Variants in ACVR2A observed in about 807,000 individuals in gnomAD.
The protein encoded by ACVR2A is activin A receptor type 2A, also known as activin receptor type-2A.
A neutral mutation model predicts 61.4 loss-of-function variants in ACVR2A; 7 were observed. The observed-to-expected ratio is 0.11, with a 90% CI of 0.06 to 0.21. ACVR2A has a LOEUF of 0.21. ACVR2A is among the 10% of genes least tolerant of loss of function. ACVR2A has a pLI of 1.00. For synonymous variants in ACVR2A, 193 were observed against 208.3 expected (o/e 0.93, Z 0.63); for missense variants, 322 against 621.7 (o/e 0.52, Z 5.13).
At chr2:147,870,636 C>T (rs1480478855) in intron 1 of ACVR2A, among the ~76,000 whole-genome samples, 1 of 152,154 alleles carries the variant, frequency 6.6e-6, no homozygotes, top group Non-Finnish European at 1.5e-5. Flanking sequence ...AGATAATTGT[C>T]GTGAGTCTTT....
rs1168504682 is a variant in ACVR2A, at chr2:147,927,305, G to A, written c.*31G>A. The A allele has an allele frequency of 3.8e-6, 6 of 1,578,276 alleles. No homozygotes were observed. The highest frequency in any genetic ancestry group is 4.3e-6 in the Non-Finnish European group (5 of 1,163,176). ...GCGCCATCTGTGCACACTAAGAAAT[G>A]GGACTCTGAACTGGAGCTGCTAAGC... On this transcript the variant is annotated 3_prime_UTR_variant, in exon 11 of 11. Transcript: ENST00000241416.
At chr2:147,848,371 G>A (rs1307065736) in intron 1 of ACVR2A, among the ~76,000 whole-genome samples, 1 of 151,974 alleles carries the variant, frequency 6.6e-6, no homozygotes, top group East Asian at 1.9e-4. Context: ...TACTTCCCCA[G>A]ATCCCCATCC....
intron 1 of ACVR2A, among the ~76,000 whole-genome samples, chr2:147,864,226 A>T (rs1432303481): frequency 3.9e-5 from 6 of 151,960 alleles, no homozygotes. Context: ...ACTTTCTGTT[A>T]CTATAACTTT....
intron 1 of ACVR2A, among the ~76,000 whole-genome samples, chr2:147,851,931 T>A (rs1225520446): frequency 6.6e-6 from 1 of 152,066 alleles, no homozygotes; most frequent in Non-Finnish European, 1.5e-5. Context: ...ATTGAAGTGG[T>A]GAACTTGGAT....
intron 10 of ACVR2A, among the ~76,000 whole-genome samples, chr2:147,926,736 G>A (rs773073365): frequency 2.6e-5 from 4 of 151,876 alleles, no homozygotes; most frequent in Non-Finnish European, 4.4e-5. Context: ...AGATAGAAAT[G>A]CTGATATTAA....
intron 8 of ACVR2A, among the ~76,000 whole-genome samples, chr2:147,922,715 T>C (rs1226563882): frequency 6.6e-6 from 1 of 152,088 alleles, no homozygotes; most frequent in African/African-American, 2.4e-5. Context: ...AGCATCCTTC[T>C]CCCAGCTGAC....
intron 1 of ACVR2A, among the ~76,000 whole-genome samples, chr2:147,881,058 A>G (rs902066202): frequency 2.0e-5 from 3 of 152,168 alleles, no homozygotes; most frequent in Admixed American, 1.3e-4. Flanking sequence ...TCTTAAAACC[A>G]TTTCCCCTAC....
intron 1 of ACVR2A, among the ~76,000 whole-genome samples, chr2:147,895,726 C>T (rs1573688192): frequency 6.6e-6 from 1 of 151,962 alleles, no homozygotes; most frequent in South Asian, 2.1e-4. Flanking sequence ...ATAATATTGT[C>T]TTTTCTTTAG....
At chr2:147,918,318 G>C (rs1446009362) in intron 6 of ACVR2A, 129 bp from the exon 7 acceptor site, 1 of 718,820 alleles carries the variant, frequency 1.4e-6, no homozygotes, top group Non-Finnish European at 2.1e-6. Context: ...ATTCCAGAAA[G>C]ATTGTTTCTT....
chr2:147,849,513 G>A (rs976438423), intron 1 of ACVR2A, among the ~76,000 whole-genome samples: 5 of 152,044 alleles, frequency 3.3e-5, no homozygotes, highest in East Asian at 1.9e-4. Context: ...TTTGGTTACC[G>A]TTAGACTAAT....
chr2:147,914,639 A>C (rs538314838), intron 4 of ACVR2A, among the ~76,000 whole-genome samples: 18 of 152,104 alleles, frequency 1.2e-4, no homozygotes, highest in Admixed American at 1.2e-3. Flanking sequence ...ATATTTACTT[A>C]CATATTTCCT....
chr2:147,926,264 GA>G, intron 10 of ACVR2A, 103 bp downstream of exon 10: 6 of 1,409,736 alleles, frequency 4.3e-6, no homozygotes, highest in Non-Finnish European at 5.8e-6. Context: ...GTATTTTCTG[GA>G]AGGTGATCTT....
intron 1 of ACVR2A, among the ~76,000 whole-genome samples, chr2:147,866,435 C>T (rs1310155143): frequency 6.6e-6 from 1 of 152,144 alleles, no homozygotes; most frequent in Non-Finnish European, 1.5e-5. Context: ...CCCAGTGATG[C>T]CATGCTTGGT....
chr2:147,926,223 T>G, intron 10 of ACVR2A, 62 bp downstream of exon 10: 1 of 1,555,702 alleles, frequency 6.4e-7, no homozygotes, highest in Admixed American at 1.8e-5. Flanking sequence ...GAGGAATTAT[T>G]TATCTCTGCA....
At chr2:147,926,850 A>AT (rs1454767702) in intron 10 of ACVR2A, among the ~76,000 whole-genome samples, 67 of 149,238 alleles carry the variant, frequency 4.5e-4, no homozygotes, top group African/African-American at 9.0e-4. Flanking sequence ...AGGGATAGAG[A>AT]TTTTTTTTTT....
At chr2:147,922,886 C>G (rs1365728039) in intron 8 of ACVR2A, 87 bp from the exon 9 acceptor site, 1 of 1,412,208 alleles carries the variant, frequency 7.1e-7, no homozygotes, top group African/African-American at 1.4e-5. Context: ...TAATAGACCA[C>G]ATTTGGTTTT....
At chr2:147,845,369 G>A (rs961284182) in intron 1 of ACVR2A, among the ~76,000 whole-genome samples, 162 bp downstream of exon 1, 1 of 49,100 alleles carries the variant, frequency 2.0e-5, no homozygotes. Flanking sequence ...CCGCCCCCAG[G>A]TCTGATTGTG....
intron 1 of ACVR2A, among the ~76,000 whole-genome samples, chr2:147,892,155 A>G (rs955591778): frequency 6.6e-6 from 1 of 151,962 alleles, no homozygotes; most frequent in African/African-American, 2.4e-5. Flanking sequence ...TATTTTTAAC[A>G]GAGAAGGGGT....
intron 1 of ACVR2A, among the ~76,000 whole-genome samples, chr2:147,891,817 G>A (rs2161983): frequency 0.33 from 50,066 of 151,992 alleles, 8,525 homozygotes; most frequent in East Asian, 0.52. Flanking sequence ...TAAGATAACA[G>A]TGGGGGCATT....
Sources: gnomAD v4.1 joint callset for allele counts (sites outside exome capture counted in the v4.1 genomes callset) on GRCh38, gnomAD v4.1.1 for gene constraint, MANE v1.5 for transcripts, NCBI Gene and HGNC (gene_info 2026-07-23, HGNC 2026-07-21) for gene names.